The following DHX8 variants were observed in gnomAD, a reference collection of about 807,000 sequenced individuals.
DHX8 encodes the protein DEAH-box helicase 8, also known as ATP-dependent RNA helicase DHX8.
A neutral mutation model predicts 140.7 loss-of-function variants in DHX8; 67 were observed. The ratio of observed to expected loss-of-function variants is 0.48; its 90% CI spans 0.39 to 0.58. The LOEUF (loss-of-function observed/expected upper bound fraction) is 0.58, where lower values mean the gene tolerates loss of function less well. Among genes scored for constraint, DHX8 ranks in the 20% least tolerant of loss-of-function variants. The pLI is 0.00. For missense variants in DHX8, 887 were observed against 1,550.7 expected, an observed-to-expected ratio of 0.57 and a Z score of 7.19; for synonymous variants, 533 against 553.2, an observed-to-expected ratio of 0.96 and a Z score of 0.51.
intron 3 of DHX8, chr17:43,536,555 G>A (rs1354109737): frequency 1.1e-5 from 15 of 1,309,228 alleles, no homozygotes; most frequent in Non-Finnish European, 1.4e-5. Flanking sequence ...TTACAGCCCT[G>A]CAGATTAGCA....
intron 2 of DHX8, chr17:43,533,426 C>T (rs1404776540): frequency 7.9e-6 from 11 of 1,400,694 alleles, no homozygotes; most frequent in Non-Finnish European, 1.1e-5. Context: ...CCTAGGAAAG[C>T]GAGGTCACAG....
chr17:43,519,891 A>T (rs72833134), intron 18 of DHX8: 3 of 382,856 alleles, frequency 7.8e-6, no homozygotes, highest in Admixed American at 4.5e-5. Context: ...CAGTGAGCTG[A>T]GATTGGGCCA....
chr17:43,527,513 CAGT>C (rs1389711689), downstream of DHX8, among the ~76,000 whole-genome samples: 1 of 152,174 alleles, frequency 6.6e-6, no homozygotes, highest in African/African-American at 2.4e-5. Context: ...CCTTGCCACT[CAGT>C]AGCCCACCTG....
downstream of DHX8, chr17:43,528,086 G>A (rs562857882): frequency 2.4e-4 from 56 of 236,376 alleles, no homozygotes; most frequent in East Asian, 3.0e-3. Context: ...GCCACAGCGT[G>A]GGGCAGAGTC....
chr17:43,526,376 G>A (rs1158211198), downstream of DHX8: 4 of 1,489,698 alleles, frequency 2.7e-6, 1 homozygote, highest in South Asian at 1.3e-5. Flanking sequence ...TGCTGTTTGT[G>A]TATATGGCAG....
chr17:43,492,890 G>A lies in DHX8; in HGVS notation c.713G>A (p.Arg238Gln), dbSNP rs1341366727. ...SQSPPKDRKD[R>Q]DKYGERNLDR... The stretch of plus-strand genomic sequence containing the variant: ...AGTCCCCCCAAAGACCGGAAGGACC[G>A]GGACAAATATGGAGAGCGGAATCTG... The change falls in exon 6 of 23, where the codon CGG (arginine) becomes CAG (glutamine). Residue 238 changes from arginine to glutamine, a missense_variant. Physicochemically the swap from Arg to Gln is conservative, Grantham distance 43. Around this residue, in one of 9 missense-constraint regions of DHX8, gnomAD observed 304 missense variants for 306.9 expected, o/e 0.99. Transcript: ENST00000262415. 1.1e-5 allele frequency: 18 copies of A among 1,614,074 alleles called. No individual in the cohort carries two copies. Among genetic ancestry groups the A allele is most frequent in the Admixed American group, 1.7e-5 (1 of 60,004 alleles).
intron 17 of DHX8, among the ~76,000 whole-genome samples, chr17:43,514,573 G>A (rs1598166586): frequency 6.6e-6 from 1 of 151,836 alleles, no homozygotes. Flanking sequence ...TGAATTACCC[G>A]ATCACTTTTT....
chr17:43,529,422 C>G, downstream of DHX8: 18 of 1,499,616 alleles, frequency 1.2e-5, no homozygotes, highest in Non-Finnish European at 1.6e-5. Flanking sequence ...ATGATGGAGG[C>G]ACGTGCCACC....
At chr17:43,508,618 CTT>C (rs369283745) in intron 16 of DHX8, 98 bp downstream of exon 16, 25,514 of 509,560 alleles carry the variant, frequency 0.05, no homozygotes, top group South Asian at 0.069. Context: ...GTATGCAAGT[CTT>C]TTTTTTTTTT....
chr17:43,520,728 G>T lies in DHX8; in HGVS notation c.2938-23G>T, dbSNP rs758193372. ...ATGTGTCTTCCACAGGGAAGCAGTT[G>T]TAGTCTTTTTTTGTCCCTCTAGATG... On this transcript the variant is annotated intron_variant, in intron 19 of 22. Transcript: ENST00000262415. 3 of 1,613,870 alleles carry T rather than the reference G, an allele frequency of 1.9e-6. No individual in the cohort carries two copies. The Admixed American group carries it at 5.0e-5, about 27-fold the overall frequency.
downstream of DHX8, chr17:43,527,777 C>G (rs948747297): frequency 1.9e-5 from 4 of 215,502 alleles, no homozygotes; most frequent in African/African-American, 9.0e-5. Flanking sequence ...AGCTCTGCTT[C>G]AAGACCAGAG....
At chr17:43,529,441 G>A (rs917616917), downstream of DHX8, 18 of 1,551,478 alleles carry the variant, frequency 1.2e-5, no homozygotes, top group African/African-American at 2.2e-4. Flanking sequence ...CCATTTCCCA[G>A]GTTCTCCCAC....
rs758320592 is a variant in DHX8, at chr17:43,492,722, G to A, written c.545G>A (p.Arg182Gln). Reference sequence around the variant, plus strand: ...AAGAAGCGGAGTCGAAGCCGAGATCGAAACCGAGATCGAGACAGAGATAGG... The same window carrying A: ...AAGAAGCGGAGTCGAAGCCGAGATCAAAACCGAGATCGAGACAGAGATAGG... ...KKKKRSRSRD[R>Q]NRDRDRDRER... is the part of the protein sequence containing the mutation. The change falls in exon 6 of 23, where the codon CGA (arginine) becomes CAA (glutamine). Residue 182 changes from arginine to glutamine, a missense_variant. Coordinates refer to ENST00000262415, the MANE Select transcript of DHX8 (RefSeq NM_004941.3). 11 of 1,611,424 alleles carry A rather than the reference G, an allele frequency of 6.8e-6. No individual in the cohort carries two copies. The highest frequency in any genetic ancestry group is 1.7e-5 in the Admixed American group (1 of 59,982).
rs1350753567 is a variant in DHX8, at chr17:43,489,470, C to T, written c.170C>T (p.Ala57Val). 6.2e-7 allele frequency: 1 copy of T among 1,610,190 alleles called. No homozygotes were observed. ...GCAGCTGAATTTGTGATCAGTCTTG[C>T]TGAGAAAAATACCACCTTTGATACT... Reference protein sequence around the residue: ...KDLAEFVISLAEKNTTFDTFK... With the variant: ...KDLAEFVISLVEKNTTFDTFK... Residue 57 changes from alanine to valine, a missense_variant, in exon 2 of 23, where the codon GCT (alanine) becomes GTT (valine). By Grantham distance (64) the Ala-to-Val change is moderately conservative (BLOSUM62 0). This residue lies in a region of DHX8 where 304 missense variants were observed against 306.9 expected (regional missense o/e 0.99). Transcript: ENST00000262415.
intron 1 of DHX8, among the ~76,000 whole-genome samples, chr17:43,485,658 TTC>T (rs1243902719): frequency 2.0e-5 from 3 of 152,110 alleles, no homozygotes; most frequent in African/African-American, 7.2e-5. Context: ...GAGCTTACCT[TTC>T]TCTCTGTTTT....
intron 20 of DHX8, 138 bp downstream of exon 20, chr17:43,521,017 C>G (rs1023504919): frequency 1.1e-6 from 1 of 876,430 alleles, no homozygotes; most frequent in African/African-American, 2.0e-5. Context: ...GTTGCCCAGG[C>G]TGGAGTGCAG....
At position 43,496,249 on chromosome 17, in the gene DHX8, T is replaced by G. The variant is rs1968850348; in HGVS notation, c.1281T>G (p.Pro427=). ...PDFDEETGIL[P]KVDDEEDEDL... is the part of the protein sequence containing the mutation. ...TTGATGAAGAGACTGGCATTCTCCCTAAGGTGGATGATGAAGAAGGTAACT... is the reference window on the plus strand; with the variant it reads ...TTGATGAAGAGACTGGCATTCTCCCGAAGGTGGATGATGAAGAAGGTAACT... The change falls in exon 9 of 23, where the codon CCT becomes CCG. Residue 427 remains proline (P), a synonymous_variant. Transcript: ENST00000262415. 6.2e-7 allele frequency: 1 copy of G among 1,613,372 alleles called. No individual in the cohort carries two copies. The highest frequency in any genetic ancestry group is 8.5e-7 in the Non-Finnish European group (1 of 1,179,590).
intron 18 of DHX8, 153 bp from the exon 19 acceptor site, chr17:43,519,977 T>C (rs1567697806): frequency 5.5e-6 from 4 of 725,048 alleles, no homozygotes; most frequent in Non-Finnish European, 9.3e-6. Flanking sequence ...CTGAGTTTTA[T>C]GTGGCCCAGC....
intron 6 of DHX8, 100 bp downstream of exon 6, chr17:43,493,140 T>A: frequency 6.8e-7 from 1 of 1,462,342 alleles, no homozygotes; most frequent in Non-Finnish European, 9.3e-7. Flanking sequence ...TTAATGACAC[T>A]TTAGTCAAAT....
Sources: gnomAD v4.1 joint callset for allele counts (sites outside exome capture counted in the v4.1 genomes callset) on GRCh38, gnomAD v4.1.1 for gene constraint, gnomAD v4.1.1 regional missense constraint, MANE v1.5 for transcripts, NCBI Gene and HGNC (gene_info 2026-07-23, HGNC 2026-07-21) for gene names.